The following ANKRD46 variants were observed in gnomAD, a reference collection of about 807,000 sequenced individuals.
ANKRD46 encodes the protein ankyrin repeat domain-containing protein 46.
ANKRD46 carries 13 observed loss-of-function variants against 19.8 expected under a neutral mutation model. That is an observed-to-expected ratio of 0.66 (90% confidence interval 0.43 to 1.04). ANKRD46 has a LOEUF of 1.04. ANKRD46 is among the 50% of genes least tolerant of loss of function. The pLI is 0.00. For synonymous variants in ANKRD46, 91 were observed against 106.9 expected (o/e 0.85, Z 0.92); for missense variants, 185 against 274.8 (o/e 0.67, Z 2.31).
rs35216029 is a variant in ANKRD46 at position 100,514,617 on chromosome 8, C to CTTTT, written c.637-3982_637-3979dup. 4.3e-4 allele frequency among the ~76,000 whole-genome samples: 32 copies of CTTTT among 74,058 alleles called. 6 individuals carry two copies. The highest frequency in any genetic ancestry group is 1.7e-3 in the East Asian group (5 of 2,920). 48.6% of individuals were successfully genotyped at this position (74,058 alleles called of 152,430 possible). On this transcript the variant is annotated intron_variant, in intron 5 of 5. Transcript: ENST00000520552. ...TGAGTGTGGGTTATTCCTCCATCTT[C>CTTTT]TTTTTTTTTTTTTTTTTTTTTTGAG... is the stretch of plus-strand genomic sequence containing the variant.
At chr8:100,514,234 C>T (rs552629730) in intron 5 of ANKRD46, among the ~76,000 whole-genome samples, 76 of 152,128 alleles carry the variant, frequency 5.0e-4, no homozygotes, top group Non-Finnish European at 8.7e-4. Flanking sequence ...GCTGATGTTG[C>T]ATACCATAAA....
At chr8:100,551,271 T>C (rs1445290808) in intron 1 of ANKRD46, 6 of 492,592 alleles carry the variant, frequency 1.2e-5, no homozygotes, top group African/African-American at 7.8e-5. Context: ...ACAGAAGGCA[T>C]TGCTGATGAT....
rs1364239978 is a variant in ANKRD46, at chr8:100,550,209, G to A, written c.-131+9502C>T. 6.6e-6 allele frequency among the ~76,000 whole-genome samples: 1 copy of A among 152,214 alleles called. No homozygotes were observed. The highest frequency in any genetic ancestry group is 1.5e-5 in the Non-Finnish European group (1 of 68,034). On this transcript the variant is annotated intron_variant, in intron 1 of 4. Transcript: ENST00000335659. The surrounding 1 kb of genome is among the most constrained non-coding windows in gnomAD (Gnocchi z 4.4). ...GGAGCATGATTGCTGGATGGTAAGA[G>A]TATGTTTAGTTTTTTTAAGAAACCA...
chr8:100,529,537 G>T lies in ANKRD46; in HGVS notation c.297C>A (p.Leu99=). 6.2e-7 allele frequency: 1 copy of T among 1,610,798 alleles called. No homozygotes were observed. Among genetic ancestry groups the T allele is most frequent in the Non-Finnish European group, 8.5e-7 (1 of 1,177,224 alleles). Residue 99 remains leucine (L), a synonymous_variant, in exon 3 of 5, where the codon CTC becomes CTA. Coordinates refer to ENST00000335659, the MANE Select transcript of ANKRD46 (RefSeq NM_001270377.2). The surrounding 1 kb of genome is among the most constrained non-coding windows in gnomAD (Gnocchi z 5.8). ...AGAGAACTTACCAAATATCAATTTTGAGTCCATTGGAAACCAAAAATTGGA... is the reference window on the plus strand; with the variant it reads ...AGAGAACTTACCAAATATCAATTTTTAGTCCATTGGAAACCAAAAATTGGA... ...DTIQFLVSNG[L]KIDICNHQGA... is the part of the protein sequence containing the mutation.
intron 1 of ANKRD46, among the ~76,000 whole-genome samples, chr8:100,549,096 T>C (rs886245907): frequency 6.7e-6 from 1 of 150,298 alleles, no homozygotes; most frequent in African/African-American, 2.4e-5. Context: ...TTATATAATA[T>C]GGAATACTAG....
chr8:100,546,907 A>G lies in ANKRD46; in HGVS notation c.-131+12804T>C, dbSNP rs1415239488. On this transcript the variant is annotated intron_variant, in intron 1 of 4. Transcript: ENST00000335659. The surrounding 1 kb of genome is among the most constrained non-coding windows in gnomAD (Gnocchi z 4.0). Reference sequence around the variant, plus strand: ...CTGCCTGGCTGGGTTTCAGACTTGCATGAGGCCTGAGGCCCCTTTGTTTTG... The same window carrying G: ...CTGCCTGGCTGGGTTTCAGACTTGCGTGAGGCCTGAGGCCCCTTTGTTTTG... 2.0e-5 allele frequency among the ~76,000 whole-genome samples: 3 copies of G among 152,222 alleles called. No homozygotes were observed. Among genetic ancestry groups the G allele is most frequent in the African/African-American group, 4.8e-5 (2 of 41,454 alleles).
intron 1 of ANKRD46, among the ~76,000 whole-genome samples, chr8:100,548,823 C>T (rs1019271279): frequency 6.6e-6 from 1 of 152,098 alleles, no homozygotes; most frequent in Non-Finnish European, 1.5e-5. Context: ...ACTGATATTA[C>T]ATTTAAAAAG....
At chr8:100,556,597 G>A (rs1812505762) in intron 1 of ANKRD46, 1 of 152,164 alleles carries the variant, frequency 6.6e-6, no homozygotes, top group Non-Finnish European at 1.5e-5. Flanking sequence ...CCATACTGCA[G>A]TCTCCAATGC....
intron 4 of ANKRD46, among the ~76,000 whole-genome samples, chr8:100,523,405 C>T (rs1433605524): frequency 4.0e-5 from 6 of 151,482 alleles, no homozygotes; most frequent in African/African-American, 1.5e-4. Flanking sequence ...ACACCTTGAT[C>T]TCAGACTTCT....
At chr8:100,548,203 G>T (rs1812311688) in intron 1 of ANKRD46, among the ~76,000 whole-genome samples, 1 of 151,786 alleles carries the variant, frequency 6.6e-6, no homozygotes, top group Non-Finnish European at 1.5e-5. Context: ...TAAAACAACA[G>T]CCAAAATCCT....
chr8:100,541,495 A>T (rs1812174554), intron 1 of ANKRD46, among the ~76,000 whole-genome samples: 1 of 152,198 alleles, frequency 6.6e-6, no homozygotes, highest in South Asian at 2.1e-4. Context: ...TGTTATGTGA[A>T]CAACACAGAG....
intron 4 of ANKRD46, 119 bp from the exon 5 acceptor site, chr8:100,522,890 CACACACACACACACATAT>C (rs943735527): frequency 1.1e-4 from 64 of 569,982 alleles, no homozygotes; most frequent in Non-Finnish European, 1.7e-4. Flanking sequence ...CACACACACA[CACACACACACACACATAT>C]ATATATATAC....
intron 1 of ANKRD46, among the ~76,000 whole-genome samples, chr8:100,549,268 C>G (rs1387032444): frequency 6.6e-6 from 1 of 151,794 alleles, no homozygotes; most frequent in African/African-American, 2.4e-5. Flanking sequence ...CTGTGCCCAG[C>G]CTGGAATGTT....
intron 1 of ANKRD46, among the ~76,000 whole-genome samples, chr8:100,542,358 G>A (rs1172548183): frequency 6.6e-6 from 1 of 152,114 alleles, no homozygotes; most frequent in East Asian, 1.9e-4. Flanking sequence ...CTAAGGAGAT[G>A]CCTTAGTCAA....
intron 1 of ANKRD46, among the ~76,000 whole-genome samples, chr8:100,549,879 T>C (rs1333526854): frequency 1.3e-5 from 2 of 152,222 alleles, no homozygotes; most frequent in African/African-American, 2.4e-5. Flanking sequence ...CCCTGATATT[T>C]TTATTGTCTC....
intron 5 of ANKRD46, among the ~76,000 whole-genome samples, chr8:100,512,769 T>C (rs1221167163): frequency 1.3e-5 from 2 of 152,232 alleles, no homozygotes; most frequent in Non-Finnish European, 2.9e-5. Context: ...AATATCTGAA[T>C]TTTTACTCAT....
In ANKRD46 at chr8:100,527,801, G is replaced by A. The variant is rs1463086773; in HGVS notation, c.470+44C>T. 6.4e-7 allele frequency: 1 copy of A among 1,552,100 alleles called. No individual in the cohort carries two copies. The highest frequency in any genetic ancestry group is 2.3e-5 in the East Asian group (1 of 42,864). On this transcript the variant is annotated intron_variant, in intron 4 of 4. Coordinates refer to ENST00000335659, the MANE Select transcript of ANKRD46 (RefSeq NM_001270377.2). The surrounding 1 kb of genome is among the most constrained non-coding windows in gnomAD (Gnocchi z 4.0). ...GAATGCTTGAGCCCAGGAGTTCAAG[G>A]AATGAGTAATACAGTGAGAAAAAAA...
At chr8:100,515,182 C>T (rs1010579861) in intron 5 of ANKRD46, among the ~76,000 whole-genome samples, 1 of 152,098 alleles carries the variant, frequency 6.6e-6, no homozygotes, top group Non-Finnish European at 1.5e-5. Context: ...AACCATTGAT[C>T]TCCTCACTTG....
intron 1 of ANKRD46, chr8:100,551,150 GC>G: frequency 2.2e-6 from 1 of 448,496 alleles, no homozygotes; most frequent in Non-Finnish European, 4.2e-6. Flanking sequence ...TCCCACAGAG[GC>G]CATCGAGTCT....
Sources: allele counts gnomAD v4.1 joint callset (sites outside exome capture counted in the v4.1 genomes callset), GRCh38; gene constraint gnomAD v4.1.1; non-coding constraint Gnocchi (gnomAD v3.1); transcripts MANE v1.5; gene names NCBI Gene and HGNC (gene_info 2026-07-23, HGNC 2026-07-21).